Variants in CLDN18 observed in about 807,000 individuals in gnomAD.
CLDN18 encodes claudin-18.
CLDN18 carries 20 observed loss-of-function variants against 25.0 expected under a neutral mutation model. The ratio of observed to expected loss-of-function variants is 0.80; its 90% confidence interval spans 0.56 to 1.16. CLDN18 has a LOEUF of 1.16. Ranked by LOEUF, CLDN18 falls within the 50% of genes most tolerant of loss-of-function variation. The pLI is 0.00. For missense variants in CLDN18, 297 were observed against 345.4 expected, an observed-to-expected ratio of 0.86 and a Z score of 1.11; for synonymous variants, 125 against 135.6, an observed-to-expected ratio of 0.92 and a Z score of 0.54.
At chr3:138,021,951 G>T (rs1269988414) in intron 1 of CLDN18, among the ~76,000 whole-genome samples, 1 of 152,184 alleles carries the variant, frequency 6.6e-6, no homozygotes, top group African/African-American at 2.4e-5. Context: ...GTTCAAACAG[G>T]TAGGGATTTA....
intron 4 of CLDN18, among the ~76,000 whole-genome samples, chr3:138,030,739 C>T (rs972533657): frequency 1.3e-5 from 2 of 152,180 alleles, no homozygotes; most frequent in African/African-American, 4.8e-5. Context: ...AGATTTTGTT[C>T]TCGGCTCAGC....
chr3:138,024,167 TA>T (rs1176561423), intron 2 of CLDN18, among the ~76,000 whole-genome samples: 2,234 of 142,476 alleles, frequency 0.016, 40 homozygotes, highest in African/African-American at 0.052. Flanking sequence ...ATTTTTTTAT[TA>T]AAAAAAAAAA....
chr3:138,009,228 C>T (rs1029961488), upstream of CLDN18, among the ~76,000 whole-genome samples: 4 of 152,216 alleles, frequency 2.6e-5, no homozygotes, highest in Non-Finnish European at 5.9e-5. Context: ...TTGCCCCCAA[C>T]CTGCCCAGCA....
At chr3:137,998,987 T>TAAC in exon 1 of CLDN18, 1 of 1,614,240 alleles carries the variant, frequency 6.2e-7, no homozygotes, top group Non-Finnish European at 8.5e-7. Flanking sequence ...AACAACCCCG[T>TAAC]AACAGCTGTT....
chr3:138,012,249 A>G (rs759441281), intron 1 of CLDN18, among the ~76,000 whole-genome samples: 10 of 152,164 alleles, frequency 6.6e-5, no homozygotes, highest in Non-Finnish European at 1.3e-4. Flanking sequence ...TCTGGTTTCT[A>G]TCCTTCATCT....
chr3:138,024,758 T>C (rs751725850), intron 3 of CLDN18, 34 bp downstream of exon 3: 1 of 1,193,544 alleles, frequency 8.4e-7, no homozygotes, highest in Non-Finnish European at 1.2e-6. Context: ...GCATTCACCA[T>C]GATGAATATT....
At chr3:138,014,363 T>C (rs1942178840) in intron 1 of CLDN18, among the ~76,000 whole-genome samples, 1 of 152,080 alleles carries the variant, frequency 6.6e-6, no homozygotes, top group African/African-American at 2.4e-5. Flanking sequence ...TTGGAAACTG[T>C]TGGTCACAAC....
Position 138,023,698 on chromosome 3 carries a change from C to T in CLDN18, c.261C>T (p.Ile87=), listed in dbSNP as rs1419474827. 2.2e-5 allele frequency: 35 copies of T among 1,613,944 alleles called. No homozygotes were observed. Among genetic ancestry groups the T allele is most frequent in the Non-Finnish European group, 2.6e-5 (31 of 1,180,018 alleles). Residue 87 remains isoleucine (I), a synonymous_variant, in exon 2 of 5, where the codon ATC becomes ATT. Transcript: ENST00000183605. The part of the protein sequence containing the change: ...QAVRALMIVG[I]VLGAIGLLVS... Reference sequence around the variant, plus strand: ...TGCGAGCCCTGATGATCGTAGGCATCGTCCTGGGTGCCATTGGCCTCCTGG... The same window carrying T: ...TGCGAGCCCTGATGATCGTAGGCATTGTCCTGGGTGCCATTGGCCTCCTGG...
chr3:138,013,725 A>G (rs1942168443), intron 1 of CLDN18, among the ~76,000 whole-genome samples: 1 of 152,256 alleles, frequency 6.6e-6, no homozygotes, highest in Admixed American at 6.5e-5. Flanking sequence ...CAGTTCTGCC[A>G]GACAGATAAT....
rs114215791 is a variant in CLDN18 at position 138,025,833 on chromosome 3, T to C, written c.503+1109T>C. On this transcript the variant is annotated intron_variant, in intron 3 of 4. Transcript: ENST00000183605. ...TCACCCTACTTAGAAAAGCCCACCT[T>C]TCCCAGAGTATTTGGGTGCCTGGGG... Among the ~76,000 whole-genome samples, 1,204 of 152,246 alleles carry C rather than the reference T, an allele frequency of 7.9e-3. 15 individuals carry two copies. Among genetic ancestry groups the C allele is most frequent in the African/African-American group, 0.028 (1,148 of 41,518 alleles).
At chr3:138,018,205 T>C (rs1942230888) in intron 1 of CLDN18, among the ~76,000 whole-genome samples, 1 of 152,156 alleles carries the variant, frequency 6.6e-6, no homozygotes, top group African/African-American at 2.4e-5. Context: ...GGCTGGGAAG[T>C]CCAAGATCAA....
chr3:138,012,065 C>T (rs1175286041), intron 1 of CLDN18, among the ~76,000 whole-genome samples: 2 of 152,124 alleles, frequency 1.3e-5, no homozygotes, highest in African/African-American at 2.4e-5. Flanking sequence ...TGTTGGTCAG[C>T]CCCTCTCCTC....
rs749436836 is a variant in CLDN18 at position 137,998,962 on chromosome 3, AC to A, written c.97del (p.Gln33LysfsTer8). 6.2e-7 allele frequency: 1 copy of A among 1,614,196 alleles called. No homozygotes were observed. The highest frequency in any genetic ancestry group is 8.5e-7 in the Non-Finnish European group (1 of 1,180,034). Reference sequence around the variant, plus strand: ...TGCCACCTGCATGGACCAGTGGAGCACCCAAGACTTGTACAACAACCCCGTA... The same window carrying A: ...TGCCACCTGCATGGACCAGTGGAGCACCAAGACTTGTACAACAACCCCGTA... On this transcript the variant is annotated frameshift_variant, in exon 1 of 5. Transcript: ENST00000343735. LOFTEE classifies it high-confidence loss of function.
chr3:138,020,278 T>C (rs566508998), intron 1 of CLDN18, among the ~76,000 whole-genome samples: 1 of 152,280 alleles, frequency 6.6e-6, no homozygotes, highest in African/African-American at 2.4e-5. Flanking sequence ...CTGTTGATCG[T>C]TGTTTGTAGA....
upstream of CLDN18, among the ~76,000 whole-genome samples, chr3:138,007,773 G>T (rs979854594): frequency 1.3e-5 from 2 of 152,196 alleles, no homozygotes; most frequent in Non-Finnish European, 2.9e-5. Context: ...AACAGTGGTA[G>T]AATCATTCCT....
exon 1 of CLDN18, chr3:137,998,985 C>T (rs547522042): frequency 3.6e-5 from 58 of 1,614,204 alleles, no homozygotes; most frequent in East Asian, 8.9e-5. Context: ...ACAACAACCC[C>T]GTAACAGCTG....
chr3:138,029,825 G>A lies in CLDN18; in HGVS notation c.532G>A (p.Gly178Ser), dbSNP rs1428181422. The change falls in exon 4 of 5, where the codon GGC becomes AGC. Residue 178 changes from glycine (G) to serine (S), a missense_variant. Coordinates refer to ENST00000183605, the MANE Select transcript of CLDN18 (RefSeq NM_016369.4). Reference sequence around the variant, plus strand: ...CACATTTGGTGCGGCTCTGTTCGTGGGCTGGGTCGCTGGAGGCCTCACACT... The same window carrying A: ...CACATTTGGTGCGGCTCTGTTCGTGAGCTGGGTCGCTGGAGGCCTCACACT... Reference protein sequence around the residue: ...RYTFGAALFVGWVAGGLTLIG... With the variant: ...RYTFGAALFVSWVAGGLTLIG... The A allele has an allele frequency of 6.3e-7, 1 of 1,589,898 alleles. No homozygotes were observed. Among genetic ancestry groups the A allele is most frequent in the African/African-American group, 1.3e-5 (1 of 74,666 alleles).
chr3:138,029,916 C>G lies in CLDN18; in HGVS notation c.614+9C>G. The G allele has an allele frequency of 6.7e-7, 1 of 1,495,282 alleles. No homozygotes were observed. The highest frequency in any genetic ancestry group is 9.2e-7 in the Non-Finnish European group (1 of 1,085,484). 92.6% of individuals were successfully genotyped at this position (1,495,282 alleles called of 1,614,324 possible). Reference sequence around the variant, plus strand: ...GCACCAGAAGAAACCAAGTGAGTCTCCCTGTTCCGCTGCAACCAGACGTTT... The same window carrying G: ...GCACCAGAAGAAACCAAGTGAGTCTGCCTGTTCCGCTGCAACCAGACGTTT... On this transcript the variant is annotated intron_variant, in intron 4 of 4. Coordinates refer to ENST00000183605, the MANE Select transcript of CLDN18 (RefSeq NM_016369.4).
At chr3:138,002,971 T>C (rs1942034085) in intron 1 of CLDN18, among the ~76,000 whole-genome samples, 1 of 152,248 alleles carries the variant, frequency 6.6e-6, no homozygotes, top group Non-Finnish European at 1.5e-5. Context: ...CAAACATTTA[T>C]TGAACACCTA....
Sources: gnomAD v4.1 joint callset for allele counts (sites outside exome capture counted in the v4.1 genomes callset) on GRCh38, gnomAD v4.1.1 for gene constraint, MANE v1.5 for transcripts, NCBI Gene and HGNC (gene_info 2026-07-23, HGNC 2026-07-21) for gene names.